The following INPP5F variants were observed in gnomAD, a reference collection of about 807,000 sequenced individuals.
INPP5F encodes the protein phosphatidylinositide 4-phosphatase SAC2.
A neutral mutation model predicts 137.2 loss-of-function variants in INPP5F; 97 were observed. The ratio of observed to expected loss-of-function variants is 0.71; its 90% CI spans 0.60 to 0.84. The LOEUF (loss-of-function observed/expected upper bound fraction) is 0.84, where lower values mean the gene tolerates loss of function less well. Among genes scored for constraint, INPP5F ranks in the 40% least tolerant of loss-of-function variants. INPP5F has a pLI of 0.00. For missense variants in INPP5F, 1,271 were observed against 1,371.9 expected (o/e 0.93, Z 1.16); for synonymous variants, 504 against 476.9 (o/e 1.06, Z -0.74).
In INPP5F at chr10:119,827,420, A is replaced by G. The variant is rs1265398180; in HGVS notation, c.3039A>G (p.Gln1013=). Residue 1013 remains glutamine (Q), a synonymous_variant, in exon 20 of 20, where the codon CAA becomes CAG. Coordinates refer to ENST00000650623, the MANE Select transcript of INPP5F (RefSeq NM_014937.4). ...AACAGACACCTTCTCGGCCATCGCA[A>G]TTAGATGTCTCTCTTTCTGCAACAG... ...STEQTPSRPS[Q]LDVSLSATGP... is the part of the protein sequence containing the mutation. The G allele has an allele frequency of 5.0e-6, 8 of 1,614,100 alleles. No homozygotes were observed. Among genetic ancestry groups the G allele is most frequent in the East Asian group, 2.2e-5 (1 of 44,900 alleles).
intron 19 of INPP5F, among the ~76,000 whole-genome samples, chr10:119,825,472 A>G (rs916557755): frequency 6.6e-6 from 1 of 152,170 alleles, no homozygotes; most frequent in African/African-American, 2.4e-5. Flanking sequence ...TGTCTCCACA[A>G]GTATTTACGT....
chr10:119,760,387 C>G (rs999924733), intron 2 of INPP5F, among the ~76,000 whole-genome samples: 2 of 152,134 alleles, frequency 1.3e-5, no homozygotes, highest in African/African-American at 4.8e-5. Flanking sequence ...CTACAGTGTG[C>G]TATGATCATG....
chr10:119,812,281 A>G (rs1851071165), intron 15 of INPP5F, among the ~76,000 whole-genome samples: 1 of 152,246 alleles, frequency 6.6e-6, no homozygotes, highest in African/African-American at 2.4e-5. Context: ...ATTAATGCAC[A>G]TAAGTGAGTG....
At chr10:119,779,596 T>G (rs1042446696) in intron 2 of INPP5F, among the ~76,000 whole-genome samples, 3 of 151,876 alleles carry the variant, frequency 2.0e-5, no homozygotes, top group Non-Finnish European at 4.4e-5. Flanking sequence ...ATTCTTTAAT[T>G]TTTTGTAGAA....
chr10:119,779,883 C>G (rs548455737), intron 2 of INPP5F, among the ~76,000 whole-genome samples: 1 of 152,178 alleles, frequency 6.6e-6, no homozygotes, highest in African/African-American at 2.4e-5. Flanking sequence ...TCTTTTTACC[C>G]TTATTTAACT....
rs187330210 is a variant in INPP5F at position 119,821,072 on chromosome 10, T to G, written c.1958+155T>G. The stretch of plus-strand genomic sequence containing the variant: ...CCCTTTACCTTATATAACTGTTACG[T>G]CATTCTAACTTCCTTTTATCTTTAT... On this transcript the variant is annotated intron_variant, in intron 16 of 19. Transcript: ENST00000650623. 6.6e-5 allele frequency among the ~76,000 whole-genome samples: 10 copies of G among 152,362 alleles called. No individual in the cohort carries two copies. In the East Asian group the frequency reaches 1.9e-3, roughly 29 times the overall value.
chr10:119,819,984 C>T (rs768599736), intron 15 of INPP5F: 21 of 152,940 alleles, frequency 1.4e-4, no homozygotes, highest in Non-Finnish European at 3.1e-4. Context: ...GGAGAAATGT[C>T]GGCTTTCTTA....
At chr10:119,767,121 A>C (rs1228180396) in intron 2 of INPP5F, among the ~76,000 whole-genome samples, 2 of 149,616 alleles carry the variant, frequency 1.3e-5, no homozygotes, top group African/African-American at 4.9e-5. Flanking sequence ...AAAAAAAAAA[A>C]AAAAAAAAAA....
At chr10:119,771,217 C>T (rs190366458) in intron 2 of INPP5F, among the ~76,000 whole-genome samples, 16 of 152,236 alleles carry the variant, frequency 1.1e-4, no homozygotes, top group African/African-American at 2.9e-4. Context: ...AATATGTGCA[C>T]CTTTGTGATT....
chr10:119,824,964 ATGTAT>A (rs1019414174), intron 19 of INPP5F, among the ~76,000 whole-genome samples: 4 of 152,202 alleles, frequency 2.6e-5, no homozygotes, highest in East Asian at 1.9e-4. Context: ...CAGTTTGGAA[ATGTAT>A]TGTGTGGGTT....
At chr10:119,749,958 T>C (rs945032323) in intron 1 of INPP5F, among the ~76,000 whole-genome samples, 2 of 152,064 alleles carry the variant, frequency 1.3e-5, no homozygotes, top group African/African-American at 2.4e-5. Context: ...TTTGTAGAGA[T>C]GAGGTTTCAC....
At chr10:119,732,965 C>T (rs1848125190) in intron 1 of INPP5F, among the ~76,000 whole-genome samples, 1 of 152,156 alleles carries the variant, frequency 6.6e-6, no homozygotes, top group African/African-American at 2.4e-5. Flanking sequence ...GTAATTTGCC[C>T]AGGTTCACAG....
intron 2 of INPP5F, among the ~76,000 whole-genome samples, chr10:119,758,569 G>A (rs1392998559): frequency 1.3e-5 from 2 of 152,188 alleles, no homozygotes; most frequent in African/African-American, 4.8e-5. Flanking sequence ...ATTGAGAAGA[G>A]GATAAGCTCA....
intron 3 of INPP5F, among the ~76,000 whole-genome samples, chr10:119,791,202 C>T (rs1469002150): frequency 6.6e-6 from 1 of 152,184 alleles, no homozygotes; most frequent in African/African-American, 2.4e-5. Flanking sequence ...ATTTCCAAAG[C>T]ATTAATAACC....
At chr10:119,747,688 T>C (rs1848577254) in intron 1 of INPP5F, among the ~76,000 whole-genome samples, 1 of 152,202 alleles carries the variant, frequency 6.6e-6, no homozygotes, top group Non-Finnish European at 1.5e-5. Flanking sequence ...ATCCAAAAGC[T>C]ATTAATTAGA....
intron 11 of INPP5F, 143 bp from the exon 12 acceptor site, chr10:119,806,215 TGA>T: frequency 2.0e-6 from 1 of 496,272 alleles, no homozygotes; most frequent in Non-Finnish European, 3.5e-6. Flanking sequence ...TGTCTATAAA[TGA>T]CTCAATAATG....
At chr10:119,761,898 T>G (rs991134183) in intron 2 of INPP5F, among the ~76,000 whole-genome samples, 3 of 152,204 alleles carry the variant, frequency 2.0e-5, no homozygotes, top group Admixed American at 1.3e-4. Context: ...TCCTAATTAT[T>G]TGTTTCTCTT....
chr10:119,798,786 CTTTTTTTTTT>C (rs374141329), intron 9 of INPP5F, among the ~76,000 whole-genome samples, 176 bp downstream of exon 9: 1 of 100,692 alleles, frequency 9.9e-6, no homozygotes, highest in Non-Finnish European at 2.0e-5. Context: ...GAGTCAGCTA[CTTTTTTTTTT>C]TTTTTTTTTT....
At chr10:119,820,981 T>C in intron 16 of INPP5F, 64 bp downstream of exon 16, 2 of 1,038,042 alleles carry the variant, frequency 1.9e-6, no homozygotes, top group Non-Finnish European at 3.0e-6. Flanking sequence ...ATTTTCTTTT[T>C]AGAATTCGTA....
Sources: allele counts gnomAD v4.1 joint callset (sites outside exome capture counted in the v4.1 genomes callset), GRCh38; gene constraint gnomAD v4.1.1; transcripts MANE v1.5; gene names NCBI Gene and HGNC (gene_info 2026-07-23, HGNC 2026-07-21).